Variants in AFAP1L1 observed in about 807,000 individuals in gnomAD.
The protein encoded by AFAP1L1 is actin filament associated protein 1 like 1, also known as actin filament-associated protein 1-like 1.
A neutral mutation model predicts 99.8 loss-of-function variants in AFAP1L1; 77 were observed. That is an observed-to-expected ratio of 0.77 (90% CI 0.64 to 0.93). AFAP1L1 has a LOEUF of 0.93. AFAP1L1 is among the 40% of genes least tolerant of loss of function. The probability of loss-of-function intolerance (pLI) is 0.00; values close to 1 mark genes in which losing one functional copy is unlikely to be tolerated. For missense variants in AFAP1L1, 893 were observed against 996.8 expected (o/e 0.90, Z 1.40); for synonymous variants, 373 against 395.3 (o/e 0.94, Z 0.67).
intron 1 of AFAP1L1, among the ~76,000 whole-genome samples, chr5:149,273,991 CA>C (rs1182215636): frequency 6.6e-6 from 1 of 152,190 alleles, no homozygotes; most frequent in African/African-American, 2.4e-5. Flanking sequence ...AGGCTGCCTC[CA>C]GAGCACTCTT....
intron 1 of AFAP1L1, among the ~76,000 whole-genome samples, chr5:149,297,128 G>A (rs2127593227): frequency 1.3e-5 from 2 of 152,332 alleles, no homozygotes; most frequent in Admixed American, 1.3e-4. Flanking sequence ...CGCTAGAGAG[G>A]TTTGTTATTC....
At chr5:149,305,878 CCACACACACACACACA>C (rs56036411) in intron 5 of AFAP1L1, among the ~76,000 whole-genome samples, 29 of 142,568 alleles carry the variant, frequency 2.0e-4, no homozygotes, top group East Asian at 8.5e-4. Flanking sequence ...GACCAACACA[CCACACACACACACACA>C]CACACACACA....
At position 149,320,589 on chromosome 5, in the gene AFAP1L1, A is replaced by C; in HGVS notation, c.1698+126A>C. 1.1e-5 allele frequency: 9 copies of C among 842,752 alleles called. No individual in the cohort carries two copies. Among genetic ancestry groups the C allele is most frequent in the Non-Finnish European group, 1.3e-5 (7 of 531,994 alleles). 52.2% of individuals were successfully genotyped at this position (842,752 alleles called of 1,614,324 possible). On this transcript the variant is annotated intron_variant, in intron 14 of 18. Coordinates refer to ENST00000296721, the MANE Select transcript of AFAP1L1 (RefSeq NM_152406.4). The surrounding 1 kb of genome is among the most constrained non-coding windows in gnomAD (Gnocchi z 4.0). ...TTTAAGCAGCAGTAGCTAGAAGGGGAGCCCCTTCTTATCATAGAGCATGGC... is the reference window on the plus strand; with the variant it reads ...TTTAAGCAGCAGTAGCTAGAAGGGGCGCCCCTTCTTATCATAGAGCATGGC...
At chr5:149,337,779 T>C (rs1218177041) in intron 18 of AFAP1L1, among the ~76,000 whole-genome samples, 3 of 151,942 alleles carry the variant, frequency 2.0e-5, no homozygotes, top group African/African-American at 2.4e-5. Context: ...TATATACATA[T>C]ATATAGAAAG....
chr5:149,312,002 ACAGTGGCCCTGACCC>A, intron 8 of AFAP1L1, 95 bp from the exon 9 acceptor site: 2 of 972,246 alleles, frequency 2.1e-6, no homozygotes, highest in Non-Finnish European at 3.2e-6. Context: ...TCTGTTCCCC[ACAGTGGCCCTGACCC>A]TCTGTTCTAC....
chr5:149,329,751 G>A lies in AFAP1L1; in HGVS notation c.1896G>A (p.Glu632=), dbSNP rs1757200258. The A allele has an allele frequency of 1.2e-6, 2 of 1,614,098 alleles. No individual in the cohort carries two copies. Among genetic ancestry groups the A allele is most frequent in the Non-Finnish European group, 1.7e-6 (2 of 1,179,990 alleles). ...TAGAAAAAGAGAAGCTGGAGAAAGA[G>A]AAAGAGACGATTCGGACAGAGCTGA... ...YLVEKEKLEK[E]KETIRTELIA... Residue 632 remains glutamate (E), a synonymous_variant, in exon 16 of 19, where the codon GAG becomes GAA. Transcript: ENST00000296721.
intron 17 of AFAP1L1, among the ~76,000 whole-genome samples, chr5:149,334,252 T>A (rs1037508079): frequency 6.6e-6 from 1 of 152,152 alleles, no homozygotes; most frequent in African/African-American, 2.4e-5. Flanking sequence ...ACACTTCCTT[T>A]CCATGGGGTG....
At chr5:149,334,844 C>T (rs185232022) in intron 17 of AFAP1L1, among the ~76,000 whole-genome samples, 17 of 151,994 alleles carry the variant, frequency 1.1e-4, no homozygotes, top group Admixed American at 6.6e-4. Flanking sequence ...GGAAGGTGGA[C>T]CTCCAGCCTT....
chr5:149,301,553 C>A (rs1443317216), intron 4 of AFAP1L1, among the ~76,000 whole-genome samples: 2 of 152,142 alleles, frequency 1.3e-5, no homozygotes, highest in Non-Finnish European at 2.9e-5. Flanking sequence ...CGTCACCAGC[C>A]CAACTTCCGA....
At position 149,314,797 on chromosome 5, in the gene AFAP1L1, A is replaced by G. The variant is rs1756747943; in HGVS notation, c.1021-1024A>G. On this transcript the variant is annotated intron_variant, in intron 9 of 18. Transcript: ENST00000296721. ...CCTGGTTTGAGAGGATCTTGGCAGG[A>G]AAGGCTTTGGGGCCTCAGAGCTCTG... is the stretch of plus-strand genomic sequence containing the variant. Among the ~76,000 whole-genome samples, 3 of 152,204 alleles carry G rather than the reference A, an allele frequency of 2.0e-5. No homozygotes were observed. In the South Asian group the frequency reaches 6.2e-4, roughly 32 times the overall value.
chr5:149,271,869 G>T lies in AFAP1L1; in HGVS notation c.-100G>T. 1 of 955,326 alleles carries T rather than the reference G, an allele frequency of 1.0e-6. No individual in the cohort carries two copies. Among genetic ancestry groups the T allele is most frequent in the Non-Finnish European group, 1.3e-6 (1 of 753,254 alleles). 59.2% of individuals were successfully genotyped at this position (955,326 alleles called of 1,614,324 possible). ...GGGGGAGGGGACCGCAGAGAGCGCC[G>T]GCCGCTGGGCTGGCCTGAGAGCGCA... On this transcript the variant is annotated 5_prime_UTR_variant, in exon 1 of 19. Transcript: ENST00000296721.
chr5:149,319,827 G>A (rs984247586), intron 13 of AFAP1L1, 100 bp downstream of exon 13: 2 of 1,505,874 alleles, frequency 1.3e-6, no homozygotes, highest in African/African-American at 2.8e-5. Context: ...GGGAAGGGAG[G>A]AGCTAAGGAA....
intron 18 of AFAP1L1, among the ~76,000 whole-genome samples, chr5:149,336,791 C>G (rs1255479071): frequency 2.0e-5 from 3 of 152,234 alleles, no homozygotes; most frequent in Non-Finnish European, 4.4e-5. Flanking sequence ...CCAATCACCT[C>G]TTAAAGGCTG....
intron 1 of AFAP1L1, among the ~76,000 whole-genome samples, chr5:149,287,383 A>T (rs1242057246): frequency 6.6e-6 from 1 of 152,180 alleles, no homozygotes; most frequent in East Asian, 1.9e-4. Context: ...GGGCGGGATC[A>T]TAAAGTTAGA....
rs141571915 is a variant in AFAP1L1, at chr5:149,318,877, C to A, written c.1480-705C>A. ...TGGTCTCTTAGTCTTGTCCTAGAAT[C>A]TGACCTCTTGGTCTTGTTTTCTGCC... On this transcript the variant is annotated intron_variant, in intron 12 of 18. Coordinates refer to ENST00000296721, the MANE Select transcript of AFAP1L1 (RefSeq NM_152406.4). 3.3e-3 allele frequency among the ~76,000 whole-genome samples: 507 copies of A among 152,336 alleles called. 6 individuals are homozygous for A. Among genetic ancestry groups the A allele is most frequent in the African/African-American group, 0.011 (450 of 41,568 alleles).
intron 1 of AFAP1L1, among the ~76,000 whole-genome samples, chr5:149,277,611 C>G (rs1028265698): frequency 6.6e-6 from 1 of 152,182 alleles, no homozygotes; most frequent in Non-Finnish European, 1.5e-5. Flanking sequence ...TATCCATATT[C>G]GAATCATCTT....
chr5:149,287,829 AC>A (rs1166730045), intron 1 of AFAP1L1, among the ~76,000 whole-genome samples: 1 of 145,994 alleles, frequency 6.8e-6, no homozygotes, highest in Admixed American at 7.1e-5. Flanking sequence ...TGATCCGCCC[AC>A]CTCAGCCTCC....
At chr5:149,287,658 A>G (rs1755724513) in intron 1 of AFAP1L1, among the ~76,000 whole-genome samples, 1 of 151,804 alleles carries the variant, frequency 6.6e-6, no homozygotes, top group South Asian at 2.1e-4. Context: ...ATCTTGGCTC[A>G]TGCAGCCTCC....
intron 4 of AFAP1L1, among the ~76,000 whole-genome samples, chr5:149,301,731 C>T (rs1756222008): frequency 6.6e-6 from 1 of 152,164 alleles, no homozygotes; most frequent in African/African-American, 2.4e-5. Flanking sequence ...GGATGCGCAA[C>T]CTTGGGGCCA....
Sources: gnomAD v4.1 joint callset for allele counts (sites outside exome capture counted in the v4.1 genomes callset) on GRCh38, gnomAD v4.1.1 for gene constraint, Gnocchi (gnomAD v3.1) non-coding constraint, MANE v1.5 for transcripts, NCBI Gene and HGNC (gene_info 2026-07-23, HGNC 2026-07-21) for gene names.